Variants in PLEKHA7 observed in about 807,000 individuals in gnomAD.
The protein encoded by PLEKHA7 is pleckstrin homology domain-containing family A member 7.
A neutral mutation model predicts 170.0 loss-of-function variants in PLEKHA7; 104 were observed. The observed-to-expected ratio is 0.61, with a 90% CI of 0.52 to 0.72. PLEKHA7 has a LOEUF of 0.72. Ranked by LOEUF, PLEKHA7 falls within the 30% of genes least tolerant of loss-of-function variation. The pLI, the probability that PLEKHA7 is intolerant of heterozygous loss-of-function variation, is 0.00. For missense variants in PLEKHA7, 1,615 were observed against 1,671.7 expected, an observed-to-expected ratio of 0.97 and a Z score of 0.59; for synonymous variants, 648 against 660.8, an observed-to-expected ratio of 0.98 and a Z score of 0.30.
chr11:16,792,799 G>C (rs1312362116), intron 19 of PLEKHA7, among the ~76,000 whole-genome samples: 2 of 152,098 alleles, frequency 1.3e-5, no homozygotes, highest in Non-Finnish European at 2.9e-5. Flanking sequence ...TTTGAGACAG[G>C]GTCTTGCTGT....
chr11:16,826,920 C>A (rs1047624297), intron 9 of PLEKHA7, among the ~76,000 whole-genome samples: 6 of 152,154 alleles, frequency 3.9e-5, no homozygotes, highest in African/African-American at 1.4e-4. Context: ...CGGCCAGTGG[C>A]CCACCTGGCT....
chr11:16,863,479 G>A (rs1414571616), intron 4 of PLEKHA7, among the ~76,000 whole-genome samples: 2 of 152,116 alleles, frequency 1.3e-5, no homozygotes, highest in Non-Finnish European at 2.9e-5. Flanking sequence ...TGCAGCTGGC[G>A]TCTCAGCACA....
At chr11:16,874,366 G>A (rs1565051862) in intron 3 of PLEKHA7, among the ~76,000 whole-genome samples, 1 of 152,084 alleles carries the variant, frequency 6.6e-6, no homozygotes, top group Non-Finnish European at 1.5e-5. Context: ...AATTAGCCAG[G>A]CATGCTGTCA....
chr11:16,917,706 C>A (rs1858793649), intron 3 of PLEKHA7, among the ~76,000 whole-genome samples: 1 of 152,224 alleles, frequency 6.6e-6, no homozygotes, highest in South Asian at 2.1e-4. Flanking sequence ...CCGAAAGTCC[C>A]TTTTCCCATA....
At chr11:16,999,214 G>A (rs1229262702) in intron 3 of PLEKHA7, among the ~76,000 whole-genome samples, 1 of 151,954 alleles carries the variant, frequency 6.6e-6, no homozygotes, top group Non-Finnish European at 1.5e-5. Context: ...GCCACTGTCT[G>A]CCGGGACACA....
intron 3 of PLEKHA7, among the ~76,000 whole-genome samples, chr11:16,946,579 T>C (rs1296409175): frequency 1.3e-5 from 2 of 152,150 alleles, no homozygotes; most frequent in Non-Finnish European, 2.9e-5. Context: ...GTTTGCAAAA[T>C]CAGTATGCAC....
chr11:16,861,936 T>C (rs890248757), intron 4 of PLEKHA7, among the ~76,000 whole-genome samples: 2 of 152,152 alleles, frequency 1.3e-5, no homozygotes, highest in Non-Finnish European at 2.9e-5. Context: ...GGGAAAGCAA[T>C]GCACAATGAA....
intron 3 of PLEKHA7, among the ~76,000 whole-genome samples, chr11:16,903,714 A>T (rs1458497444): frequency 1.3e-5 from 2 of 152,212 alleles, no homozygotes. Flanking sequence ...CGTCCAAATT[A>T]CAGAGTCCTC....
chr11:16,989,438 T>C (rs918767143), intron 3 of PLEKHA7, among the ~76,000 whole-genome samples: 1 of 152,214 alleles, frequency 6.6e-6, no homozygotes, highest in Non-Finnish European at 1.5e-5. Context: ...AGCTAAGGTA[T>C]ATAACTACTT....
chr11:16,853,834 G>A (rs545090963), intron 6 of PLEKHA7, among the ~76,000 whole-genome samples: 1 of 152,322 alleles, frequency 6.6e-6, no homozygotes, highest in Non-Finnish European at 1.5e-5. Context: ...CAGCTGCCAT[G>A]GGGCCAGAGC....
intron 23 of PLEKHA7, chr11:16,787,530 T>C (rs1564904691): frequency 6.6e-6 from 1 of 152,118 alleles, no homozygotes; most frequent in Admixed American, 6.6e-5. Context: ...AAAACACTCA[T>C]TTCCTTACAC....
At chr11:16,966,868 C>T (rs931796875) in intron 3 of PLEKHA7, among the ~76,000 whole-genome samples, 3 of 152,112 alleles carry the variant, frequency 2.0e-5, no homozygotes, top group South Asian at 2.1e-4. Flanking sequence ...TTCAGGCCAC[C>T]GTTTCTACTG....
chr11:16,996,586 G>A (rs538565207), intron 3 of PLEKHA7, among the ~76,000 whole-genome samples: 2 of 152,302 alleles, frequency 1.3e-5, no homozygotes, highest in South Asian at 2.1e-4. Context: ...AACAGCTTAC[G>A]GTCCTCAGCC....
rs1381654372 is a variant in PLEKHA7, at chr11:16,817,241, C to T, written c.1425G>A (p.Lys475=). The stretch of plus-strand genomic sequence containing the variant: ...AGCCCCCCGAGGGGTGTCGGGTGCT[C>T]TTGGGAAGAGTCTGGTAGTTTTCTG... ...SFPENYQTLP[K]STRHPSGGSS... The change falls in exon 11 of 27, where the codon AAG becomes AAA. Residue 475 remains lysine (K), a synonymous_variant. Transcript: ENST00000531066. This position sits in a 1 kb window ranked among gnomAD's most constrained non-coding sequence, Gnocchi z 4.4. The T allele has an allele frequency of 6.2e-7, 1 of 1,613,790 alleles. No individual in the cohort carries two copies. The highest frequency in any genetic ancestry group is 1.3e-5 in the African/African-American group (1 of 74,908).
At chr11:16,872,955 G>A (rs113896711) in intron 3 of PLEKHA7, among the ~76,000 whole-genome samples, 2,088 of 152,166 alleles carry the variant, frequency 0.014, 18 homozygotes, top group African/African-American at 0.017. Flanking sequence ...CTCTTCTAAT[G>A]CTAGATATTT....
intron 17 of PLEKHA7, among the ~76,000 whole-genome samples, chr11:16,795,751 T>C (rs1848181029): frequency 1.3e-5 from 2 of 150,008 alleles, no homozygotes; most frequent in Non-Finnish European, 3.0e-5. Context: ...ATCATATCAC[T>C]GCACTCCAGC....
At chr11:16,802,912 A>T (rs1012834725) in intron 15 of PLEKHA7, 60 bp downstream of exon 15, 4 of 1,392,002 alleles carry the variant, frequency 2.9e-6, no homozygotes, top group Non-Finnish European at 4.1e-6. Flanking sequence ...CTATGTCTCA[A>T]GAAAGACAGG....
intron 25 of PLEKHA7, among the ~76,000 whole-genome samples, chr11:16,783,126 G>A (rs1207922034): frequency 6.6e-6 from 1 of 152,200 alleles, no homozygotes; most frequent in Admixed American, 6.5e-5. Flanking sequence ...GCTCTAGCTG[G>A]AGGCTCTTAT....
intron 3 of PLEKHA7, among the ~76,000 whole-genome samples, chr11:16,996,922 C>G (rs1010018620): frequency 6.6e-6 from 1 of 150,842 alleles, no homozygotes; most frequent in Non-Finnish European, 1.5e-5. Flanking sequence ...GGTGACACAG[C>G]AAGACTCCGT....
Sources: allele counts gnomAD v4.1 joint callset (sites outside exome capture counted in the v4.1 genomes callset), GRCh38; gene constraint gnomAD v4.1.1; non-coding constraint Gnocchi (gnomAD v3.1); transcripts MANE v1.5; gene names NCBI Gene and HGNC (gene_info 2026-07-23, HGNC 2026-07-21).